The following MEMO1 variants were observed in gnomAD, a reference collection of about 807,000 sequenced individuals.
MEMO1 encodes the protein mediator of cell motility 1, also known as protein MEMO1.
A neutral mutation model predicts 45.2 loss-of-function variants in MEMO1; 6 were observed. The observed-to-expected ratio is 0.13, with a 90% confidence interval of 0.07 to 0.26. The LOEUF (loss-of-function observed/expected upper bound fraction) is 0.26, where lower values mean the gene tolerates loss of function less well. MEMO1 is among the 10% of genes least tolerant of loss of function. MEMO1 has a pLI of 1.00. For missense variants in MEMO1, 184 were observed against 370.5 expected (o/e 0.50, Z 4.13); for synonymous variants, 78 against 124.3 (o/e 0.63, Z 2.48).
chr2:31,959,577 T>C (rs1344999417), intron 2 of MEMO1, among the ~76,000 whole-genome samples: 2 of 151,484 alleles, frequency 1.3e-5, no homozygotes, highest in African/African-American at 2.4e-5. Flanking sequence ...TTTTCAGGGG[T>C]TGCAGGTAAA....
intron 8 of MEMO1, among the ~76,000 whole-genome samples, chr2:31,878,567 G>C (rs1674901981): frequency 6.6e-6 from 1 of 152,162 alleles, no homozygotes; most frequent in Non-Finnish European, 1.5e-5. Flanking sequence ...TTTGGAATAT[G>C]TTTAGTATGA....
intron 2 of MEMO1, among the ~76,000 whole-genome samples, chr2:31,953,098 G>A (rs1667015554): frequency 6.6e-6 from 1 of 152,070 alleles, no homozygotes; most frequent in Non-Finnish European, 1.5e-5. Context: ...GGCCGGCACG[G>A]TGTCTCACAC....
intron 2 of MEMO1, among the ~76,000 whole-genome samples, chr2:31,968,002 G>A (rs1668838257): frequency 6.6e-6 from 1 of 152,062 alleles, no homozygotes; most frequent in Non-Finnish European, 1.5e-5. Flanking sequence ...CGCAATGATG[G>A]GTAAGCATTT....
intron 3 of MEMO1, among the ~76,000 whole-genome samples, chr2:31,933,575 G>C (rs896848529): frequency 2.0e-5 from 3 of 151,564 alleles, no homozygotes; most frequent in African/African-American, 7.3e-5. Flanking sequence ...ATCACAACAA[G>C]GCTCTTTTTT....
intron 3 of MEMO1, 115 bp downstream of exon 3, chr2:31,943,187 C>A: frequency 1.3e-6 from 1 of 764,628 alleles, no homozygotes; most frequent in Admixed American, 2.0e-5. Flanking sequence ...GTCGCTTGAA[C>A]CTGGGAGGCG....
intron 2 of MEMO1, among the ~76,000 whole-genome samples, chr2:32,008,183 G>C (rs776340131): frequency 1.3e-5 from 2 of 152,242 alleles, no homozygotes; most frequent in African/African-American, 2.4e-5. Context: ...CCAAATCCAA[G>C]TGTAAGCTAT....
At chr2:31,878,415 T>C (rs1038736193) in intron 8 of MEMO1, among the ~76,000 whole-genome samples, 2 of 152,136 alleles carry the variant, frequency 1.3e-5, no homozygotes, top group Non-Finnish European at 2.9e-5. Context: ...TGGTTCCTAC[T>C]TTAAGCCACC....
chr2:31,934,471 A>G (rs1664671908), intron 3 of MEMO1, among the ~76,000 whole-genome samples: 1 of 143,368 alleles, frequency 7.0e-6, no homozygotes, highest in Admixed American at 8.3e-5. Flanking sequence ...TTCAAAATTA[A>G]AAAAAAAAAA....
chr2:31,995,435 T>C (rs570646076), intron 2 of MEMO1, among the ~76,000 whole-genome samples: 21 of 151,988 alleles, frequency 1.4e-4, no homozygotes, highest in East Asian at 3.9e-4. Context: ...GCCTGGGCAA[T>C]AGAGTGAGAT....
At chr2:31,984,922 T>C (rs79635241) in intron 2 of MEMO1, among the ~76,000 whole-genome samples, 1,542 of 152,368 alleles carry the variant, frequency 0.01, 6 homozygotes, top group Non-Finnish European at 0.014. Context: ...TTAATAAATG[T>C]ACCATGTAAG....
intron 2 of MEMO1, among the ~76,000 whole-genome samples, chr2:31,986,803 A>G (rs1479204500): frequency 6.6e-6 from 1 of 152,234 alleles, no homozygotes; most frequent in African/African-American, 2.4e-5. Context: ...TTCTATGTGC[A>G]GTAGAGGAAA....
intron 2 of MEMO1, among the ~76,000 whole-genome samples, chr2:32,006,219 C>T (rs947684429): frequency 6.6e-6 from 1 of 151,988 alleles, no homozygotes; most frequent in Admixed American, 6.6e-5. Context: ...ATGATTTGGC[C>T]AACATACTAT....
At position 31,933,354 on chromosome 2, in the gene MEMO1, TATATATATA is replaced by T. The variant is rs1664514584; in HGVS notation, c.144-1228_144-1220del. 2.3e-4 allele frequency among the ~76,000 whole-genome samples: 4 copies of T among 17,160 alleles called. 1 individual carries two copies. The highest frequency in any genetic ancestry group is 8.6e-4 in the African/African-American group (4 of 4,670). 11.3% of individuals were successfully genotyped at this position (17,160 alleles called of 152,430 possible). A position where few individuals can be genotyped will look rare whatever the true frequency, so the allele number is the denominator to read the frequency against. ...AAAAAAAAAAAAAAAAAAAAATTTATATATATATATATATATATATATATATATAGAAAG... is the reference window on the plus strand; with the variant it reads ...AAAAAAAAAAAAAAAAAAAAATTTATTATATATATATATATATATAGAAAG... On this transcript the variant is annotated intron_variant, in intron 3 of 9. Coordinates refer to ENST00000404530, the MANE Select transcript of MEMO1 (RefSeq NM_001301833.4).
intron 2 of MEMO1, among the ~76,000 whole-genome samples, chr2:31,969,259 A>T (rs1668991065): frequency 6.6e-6 from 1 of 151,230 alleles, no homozygotes; most frequent in African/African-American, 2.4e-5. Flanking sequence ...AGCAGGCTAC[A>T]AAGCTATATA....
intron 2 of MEMO1, among the ~76,000 whole-genome samples, chr2:31,972,781 G>C (rs1238145689): frequency 2.0e-5 from 3 of 152,048 alleles, no homozygotes. Context: ...TTAATACCCA[G>C]AATATATACA....
chr2:31,967,186 C>A (rs1668735862), intron 2 of MEMO1, among the ~76,000 whole-genome samples: 1 of 151,138 alleles, frequency 6.6e-6, no homozygotes, highest in African/African-American at 2.4e-5. Flanking sequence ...TGCAGCGGCG[C>A]CATCTCGGCT....
chr2:31,958,069 T>A (rs543273448), intron 2 of MEMO1, among the ~76,000 whole-genome samples: 20 of 152,230 alleles, frequency 1.3e-4, no homozygotes, highest in Middle Eastern at 3.4e-3. Flanking sequence ...GAAATGGGCA[T>A]GCCAGGTTTC....
intron 2 of MEMO1, among the ~76,000 whole-genome samples, chr2:31,946,883 T>G (rs1666259289): frequency 6.6e-6 from 1 of 152,174 alleles, no homozygotes; most frequent in African/African-American, 2.4e-5. Context: ...ACTCTACCTT[T>G]TCCCTTTTCT....
At chr2:31,905,046 C>A (rs534421994) in intron 6 of MEMO1, among the ~76,000 whole-genome samples, 2 of 152,208 alleles carry the variant, frequency 1.3e-5, no homozygotes, top group South Asian at 2.1e-4. Flanking sequence ...AAAGCCTGGG[C>A]AACATGGTGA....
Sources: gnomAD v4.1 joint callset for allele counts (sites outside exome capture counted in the v4.1 genomes callset) on GRCh38, gnomAD v4.1.1 for gene constraint, MANE v1.5 for transcripts, NCBI Gene and HGNC (gene_info 2026-07-23, HGNC 2026-07-21) for gene names.